The following AGK variants were observed in gnomAD, a reference collection of about 807,000 sequenced individuals.
The protein encoded by AGK is acylglycerol kinase, also known as acylglycerol kinase, mitochondrial.
AGK carries 52 observed loss-of-function variants against 66.4 expected under a neutral mutation model. The observed-to-expected ratio is 0.78, with a 90% confidence interval of 0.63 to 0.99. The LOEUF (loss-of-function observed/expected upper bound fraction) is 0.99, where lower values mean the gene tolerates loss of function less well. Ranked by LOEUF, AGK falls within the 50% of genes least tolerant of loss-of-function variation. AGK has a pLI of 0.00. For synonymous variants in AGK, 182 were observed against 181.1 expected (o/e 1.00, Z -0.04); for missense variants, 451 against 506.6 (o/e 0.89, Z 1.05).
intron 4 of AGK, among the ~76,000 whole-genome samples, chr7:141,600,030 C>T (rs966374905): frequency 9.2e-5 from 14 of 152,228 alleles, no homozygotes; most frequent in Non-Finnish European, 1.9e-4. Context: ...CATAACTATA[C>T]GTGTTCCTCA....
chr7:141,593,201 G>A lies in AGK; in HGVS notation c.141+16G>A, dbSNP rs1451291145. The A allele has an allele frequency of 1.2e-6, 2 of 1,608,190 alleles. No individual in the cohort carries two copies. The highest frequency in any genetic ancestry group is 8.5e-7 in the Non-Finnish European group (1 of 1,175,508). ...AGAAGCTCAGGTAATACTACTTAAT[G>A]TGATAAAATTAAGCCCCTCCTTATC... On this transcript the variant is annotated intron_variant, in intron 3 of 15. Transcript: ENST00000649286.
chr7:141,559,485 G>T, intron 2 of AGK, among the ~76,000 whole-genome samples: 1 of 152,048 alleles, frequency 6.6e-6, no homozygotes, highest in Admixed American at 6.5e-5. Flanking sequence ...CTGTATTTAT[G>T]CCAATACCAC....
At chr7:141,614,049 A>T in intron 6 of AGK, 97 bp from the exon 7 acceptor site, 2 of 851,762 alleles carry the variant, frequency 2.3e-6, no homozygotes, top group Non-Finnish European at 3.8e-6. Flanking sequence ...AGAAGAAAAC[A>T]GGAGTAAGTT....
chr7:141,562,893 T>C (rs985697636), intron 2 of AGK, among the ~76,000 whole-genome samples: 3 of 152,240 alleles, frequency 2.0e-5, no homozygotes, highest in African/African-American at 7.2e-5. Flanking sequence ...AGCTGGAGAC[T>C]GTGTGCCTAC....
chr7:141,595,927 C>G (rs1311435769), intron 3 of AGK, among the ~76,000 whole-genome samples: 1 of 152,158 alleles, frequency 6.6e-6, no homozygotes, highest in African/African-American at 2.4e-5. Context: ...TCTGGACTTT[C>G]TAATCTGGAA....
intron 8 of AGK, chr7:141,615,833 A>G (rs534022039): frequency 2.6e-6 from 1 of 385,818 alleles, no homozygotes; most frequent in Non-Finnish European, 4.7e-6. Flanking sequence ...CCTGACCTAA[A>G]CCGTTTTTGT....
At chr7:141,648,367 T>G (rs183923398) in intron 13 of AGK, among the ~76,000 whole-genome samples, 6 of 152,316 alleles carry the variant, frequency 3.9e-5, no homozygotes, top group Admixed American at 1.3e-4. Flanking sequence ...GCTCCGTGGG[T>G]TCATGGTGCA....
chr7:141,620,066 A>G (rs1474041451), intron 8 of AGK, among the ~76,000 whole-genome samples: 3 of 152,210 alleles, frequency 2.0e-5, no homozygotes, highest in Non-Finnish European at 4.4e-5. Flanking sequence ...GCTAAGAGAA[A>G]AAAACTGAAC....
intron 15 of AGK, 22 bp from the exon 16 acceptor site, chr7:141,652,765 C>A: frequency 6.2e-7 from 1 of 1,611,878 alleles, no homozygotes; most frequent in South Asian, 1.1e-5. Context: ...TTGAGCTGTT[C>A]TGAATATTCT....
intron 6 of AGK, among the ~76,000 whole-genome samples, chr7:141,611,804 C>T (rs929934949): frequency 3.9e-5 from 6 of 152,066 alleles, no homozygotes; most frequent in Non-Finnish European, 7.4e-5. Context: ...CCACTATGCA[C>T]CTATTAGAAT....
At chr7:141,624,490 A>G (rs1006552623) in intron 9 of AGK, among the ~76,000 whole-genome samples, 8 of 152,206 alleles carry the variant, frequency 5.3e-5, no homozygotes, top group Non-Finnish European at 1.2e-4. Flanking sequence ...GGAGGTCAAA[A>G]TAACAATGTT....
chr7:141,649,461 A>C (rs1414072506), intron 14 of AGK, 128 bp downstream of exon 14: 8 of 712,490 alleles, frequency 1.1e-5, no homozygotes, highest in Non-Finnish European at 1.7e-5. Context: ...TTTCGATGTT[A>C]TTTCTTTCCT....
chr7:141,653,201 T>A lies in AGK; in HGVS notation c.*277T>A, dbSNP rs1326920646. 4 of 354,202 alleles carry A rather than the reference T, an allele frequency of 1.1e-5. No homozygotes were observed. The East Asian group carries it at 2.2e-4, about 19-fold the overall frequency. 21.9% of individuals were successfully genotyped at this position (354,202 alleles called of 1,614,324 possible). A position where few individuals can be genotyped will look rare whatever the true frequency, so the allele number is the denominator to read the frequency against. On this transcript the variant is annotated 3_prime_UTR_variant, in exon 16 of 16. Coordinates refer to ENST00000649286, the MANE Select transcript of AGK (RefSeq NM_018238.4). Reference sequence around the variant, plus strand: ...GCTGGTTCAAGACGGAAAAGGACTTTCTTCTGTTTTCTTCCAAAGTGCAAC... The same window carrying A: ...GCTGGTTCAAGACGGAAAAGGACTTACTTCTGTTTTCTTCCAAAGTGCAAC...
chr7:141,612,777 C>A (rs900174247), intron 6 of AGK, among the ~76,000 whole-genome samples: 3 of 152,172 alleles, frequency 2.0e-5, no homozygotes, highest in Non-Finnish European at 4.4e-5. Flanking sequence ...TGTTACCCTG[C>A]AAGTACTCTT....
chr7:141,617,588 G>T (rs904327818), intron 8 of AGK, among the ~76,000 whole-genome samples: 3 of 152,158 alleles, frequency 2.0e-5, no homozygotes, highest in Non-Finnish European at 4.4e-5. Context: ...TTTGAATTTG[G>T]AATGTTGCAA....
intron 8 of AGK, 81 bp from the exon 9 acceptor site, chr7:141,621,651 T>C (rs2116975281): frequency 3.4e-6 from 3 of 873,380 alleles, no homozygotes; most frequent in Non-Finnish European, 5.9e-6. Context: ...TGTGTGTGTT[T>C]GTGCATGAGT....
At chr7:141,553,456 T>A (rs1795142343) in intron 1 of AGK, among the ~76,000 whole-genome samples, 1 of 152,190 alleles carries the variant, frequency 6.6e-6, no homozygotes, top group Non-Finnish European at 1.5e-5. Flanking sequence ...TTAGGTTCAT[T>A]CTTGCAGACT....
Position 141,569,683 on chromosome 7 carries a change from G to A in AGK, c.101+14116G>A, listed in dbSNP as rs1795556773. Among the ~76,000 whole-genome samples, 7 of 152,216 alleles carry A rather than the reference G, an allele frequency of 4.6e-5. No individual in the cohort carries two copies. In the South Asian group the frequency reaches 1.5e-3, roughly 32 times the overall value. On this transcript the variant is annotated intron_variant, in intron 2 of 15. Coordinates refer to ENST00000649286, the MANE Select transcript of AGK (RefSeq NM_018238.4). ...GGTTATTAATCTCATACTCATGTGA[G>A]ATTAATAGCCCTATATAGATGAAGA... is the stretch of plus-strand genomic sequence containing the variant.
chr7:141,595,585 C>G (rs1796210598), intron 3 of AGK, among the ~76,000 whole-genome samples: 2 of 152,138 alleles, frequency 1.3e-5, no homozygotes, highest in African/African-American at 4.8e-5. Flanking sequence ...ATTTGCATTA[C>G]TTTTTTTCCT....
Sources: gnomAD v4.1 joint callset for allele counts (sites outside exome capture counted in the v4.1 genomes callset) on GRCh38, gnomAD v4.1.1 for gene constraint, MANE v1.5 for transcripts, NCBI Gene and HGNC (gene_info 2026-07-23, HGNC 2026-07-21) for gene names.